Variants in MSN observed in about 807,000 individuals in gnomAD.
MSN encodes the protein moesin, also known as epididymis luminal protein 70.
Under a neutral mutation model 48.0 loss-of-function variants are expected in MSN, and 2 were observed. That is an observed-to-expected ratio of 0.04 (90% CI 0.02 to 0.13). MSN has a LOEUF of 0.13. Ranked by LOEUF, MSN falls within the 10% of genes least tolerant of loss-of-function variation. MSN has a pLI of 1.00. For missense variants in MSN, 267 were observed against 470.1 expected (o/e 0.57, Z 3.99); for synonymous variants, 146 against 166.9 (o/e 0.87, Z 0.97).
At chrX:65,608,488 G>T (rs1260489023) in intron 1 of MSN, among the ~76,000 whole-genome samples, 9 of 110,560 alleles carry the variant, frequency 8.1e-5, no homozygotes, top group Non-Finnish European at 1.7e-4. Context: ...GGAAAGTTGT[G>T]GGTGTCAGTG....
At chrX:65,723,164 T>C (rs141051827) in intron 2 of MSN, among the ~76,000 whole-genome samples, 1,518 of 111,853 alleles carry the variant, frequency 0.014, 38 homozygotes, top group African/African-American at 0.046. Context: ...CTACTTTCTT[T>C]AGGTGTATGG....
chrX:65,654,626 TTCTC>T (rs1321129578), intron 1 of MSN, among the ~76,000 whole-genome samples: 15 of 110,800 alleles, frequency 1.4e-4, no homozygotes, highest in Non-Finnish European at 2.6e-4. Flanking sequence ...AGGTGGCACT[TTCTC>T]TCTCTCTCTT....
chrX:65,620,436 A>C (rs2070428207), intron 1 of MSN, among the ~76,000 whole-genome samples: 1 of 113,959 alleles, frequency 8.8e-6, no homozygotes, highest in Admixed American at 9.2e-5. Context: ...GCCCGTCGGA[A>C]AAGCGCAGTA....
chrX:65,711,677 C>T (rs771345190), intron 1 of MSN, among the ~76,000 whole-genome samples: 5 of 111,777 alleles, frequency 4.5e-5, no homozygotes, highest in South Asian at 3.7e-4. Context: ...TCAAATATTT[C>T]GATATAATTT....
intron 7 of MSN, 48 bp from the exon 8 acceptor site, chrX:65,735,219 C>T: frequency 8.4e-7 from 1 of 1,187,813 alleles, no homozygotes; most frequent in South Asian, 1.8e-5. Flanking sequence ...CAGAAGATCA[C>T]CTTCACCTGT....
At chrX:65,608,283 C>A (rs964853568) in intron 1 of MSN, among the ~76,000 whole-genome samples, 3 of 110,940 alleles carry the variant, frequency 2.7e-5, no homozygotes, top group African/African-American at 9.9e-5. Context: ...AAGGGAGGAG[C>A]ATGAGGCAGG....
At chrX:65,684,392 G>A (rs1350989146) in intron 1 of MSN, among the ~76,000 whole-genome samples, 1 of 111,198 alleles carries the variant, frequency 9.0e-6, no homozygotes, top group Non-Finnish European at 1.9e-5. Context: ...TCATTAATAA[G>A]CAAATCAGCA....
intron 1 of MSN, among the ~76,000 whole-genome samples, chrX:65,621,762 C>G (rs776331425): frequency 8.9e-6 from 1 of 112,448 alleles, no homozygotes; most frequent in African/African-American, 3.2e-5. Context: ...TACCAATTAA[C>G]ATGGAATGCT....
intron 1 of MSN, among the ~76,000 whole-genome samples, chrX:65,605,845 C>G (rs777397829): frequency 2.7e-5 from 3 of 111,865 alleles, no homozygotes; most frequent in Non-Finnish European, 5.6e-5. Context: ...TTTCCATATC[C>G]CAGACTAAGA....
chrX:65,724,983 A>G (rs1040657136), intron 2 of MSN, among the ~76,000 whole-genome samples: 1 of 111,993 alleles, frequency 8.9e-6, no homozygotes, highest in Non-Finnish European at 1.9e-5. Context: ...CAACACGCCC[A>G]GCCCATTTTA....
At chrX:65,640,267 G>A (rs1364380400) in intron 1 of MSN, among the ~76,000 whole-genome samples, 1 of 111,997 alleles carries the variant, frequency 8.9e-6, no homozygotes, top group African/African-American at 3.2e-5. Context: ...TTGGCTGGGC[G>A]TGGTGGCTCA....
intron 8 of MSN, among the ~76,000 whole-genome samples, chrX:65,736,385 G>A (rs912443716): frequency 1.3e-4 from 14 of 109,809 alleles, no homozygotes; most frequent in African/African-American, 4.3e-4. Context: ...TAAGTGTGTT[G>A]GGAAGGTTGG....
chrX:65,641,041 G>A (rs1232968941), intron 1 of MSN, among the ~76,000 whole-genome samples: 3 of 110,713 alleles, frequency 2.7e-5, no homozygotes, highest in African/African-American at 6.6e-5. Context: ...CCCGGGAGGC[G>A]GAGGTTGCAG....
At chrX:65,702,720 C>A (rs1602824608) in intron 1 of MSN, among the ~76,000 whole-genome samples, 1 of 111,524 alleles carries the variant, frequency 9.0e-6, no homozygotes, top group Non-Finnish European at 1.9e-5. Context: ...TGGATACCAT[C>A]TGAGGGAGTT....
intron 1 of MSN, among the ~76,000 whole-genome samples, chrX:65,607,848 C>T (rs958598799): frequency 4.5e-5 from 5 of 111,590 alleles, no homozygotes; most frequent in African/African-American, 1.6e-4. Flanking sequence ...AGTCACTGGG[C>T]GTGGTGACAC....
chrX:65,662,388 A>G (rs1160294011), intron 1 of MSN, among the ~76,000 whole-genome samples: 4 of 112,421 alleles, frequency 3.6e-5, no homozygotes, highest in African/African-American at 1.3e-4. Context: ...AAACTATACT[A>G]TAAAGCTATC....
chrX:65,659,178 G>A (rs1245012356), intron 1 of MSN, among the ~76,000 whole-genome samples: 2 of 107,394 alleles, frequency 1.9e-5, no homozygotes, highest in Non-Finnish European at 3.8e-5. Context: ...TTGAGATGGA[G>A]TCTCATTCTG....
chrX:65,617,983 G>A (rs1251810155), intron 1 of MSN, among the ~76,000 whole-genome samples: 3 of 108,483 alleles, frequency 2.8e-5, no homozygotes, highest in Non-Finnish European at 3.8e-5. Context: ...TCATTCAGGA[G>A]CAGGTTGTTC....
chrX:65,656,694 C>G (rs1324452013), intron 1 of MSN, among the ~76,000 whole-genome samples: 4 of 111,760 alleles, frequency 3.6e-5, no homozygotes, highest in African/African-American at 1.3e-4. Context: ...TGTGAACCTA[C>G]TGCAGGCACT....
Sources: allele counts gnomAD v4.1 joint callset (sites outside exome capture counted in the v4.1 genomes callset), GRCh38; gene constraint gnomAD v4.1.1; transcripts MANE v1.5; gene names NCBI Gene and HGNC (gene_info 2026-07-23, HGNC 2026-07-21).